ITPK1: variants seen among roughly 807,000 people sequenced by gnomAD.
ITPK1 encodes the protein inositol-tetrakisphosphate 1-kinase, also known as inositol 1,3,4-trisphosphate 5/6-kinase.
In ITPK1, 21 loss-of-function variants were observed where a neutral mutation model predicts 45.3. The observed-to-expected ratio is 0.46, with a 90% CI of 0.33 to 0.67. The LOEUF is 0.67. ITPK1 is among the 30% of genes least tolerant of loss of function. The pLI is 0.02. For missense variants in ITPK1, 474 were observed against 573.5 expected (o/e 0.83, Z 1.77); for synonymous variants, 258 against 253.6 (o/e 1.02, Z -0.16).
intron 3 of ITPK1, among the ~76,000 whole-genome samples, chr14:93,051,591 G>A (rs1002724891): frequency 6.6e-6 from 1 of 151,860 alleles, no homozygotes; most frequent in Non-Finnish European, 1.5e-5. Flanking sequence ...ACTCCAGCCT[G>A]GGTGATGGAT....
rs540481310 is a variant in ITPK1 at position 93,034,525 on chromosome 14, C to T, written c.121-17724G>A. On this transcript the variant is annotated intron_variant, in intron 3 of 10. Transcript: ENST00000267615. This position sits in a 1 kb window ranked among gnomAD's most constrained non-coding sequence, Gnocchi z 4.1. ...GGAGGCGGGCTCCACCACAGCTGGCCCCCACTGGGCTGGGAGATCTGTCTG... is the reference window on the plus strand; with the variant it reads ...GGAGGCGGGCTCCACCACAGCTGGCTCCCACTGGGCTGGGAGATCTGTCTG... Among the ~76,000 whole-genome samples, 1 of 152,170 alleles carries T rather than the reference C, an allele frequency of 6.6e-6. No individual in the cohort carries two copies. Among genetic ancestry groups the T allele is most frequent in the Non-Finnish European group, 1.5e-5 (1 of 68,026 alleles).
intron 2 of ITPK1, among the ~76,000 whole-genome samples, chr14:93,097,436 G>A (rs1291443161): frequency 6.6e-6 from 1 of 152,156 alleles, no homozygotes; most frequent in Non-Finnish European, 1.5e-5. Flanking sequence ...CCTTCGGTTA[G>A]CCAAAGGTCA....
At chr14:93,089,007 G>A (rs1891764987) in intron 2 of ITPK1, among the ~76,000 whole-genome samples, 1 of 152,226 alleles carries the variant, frequency 6.6e-6, no homozygotes, top group East Asian at 1.9e-4. Context: ...GGAGAAAGGG[G>A]ACCTGTGTGA....
At position 93,104,630 on chromosome 14, in the gene ITPK1, C is replaced by G. The variant is rs762353075; in HGVS notation, c.95+10439G>C. 3.9e-5 allele frequency among the ~76,000 whole-genome samples: 6 copies of G among 152,164 alleles called. No homozygotes were observed. In the East Asian group the frequency reaches 7.7e-4, roughly 20 times the overall value. On this transcript the variant is annotated intron_variant, in intron 2 of 10. Transcript: ENST00000267615. ...GTGCTGCTCACAGCACCTGGCCTCT[C>G]CCTGAGTCTCAGGGCCCTCATCTAG... is the stretch of plus-strand genomic sequence containing the variant.
At chr14:93,112,322 A>G (rs1892785170) in intron 2 of ITPK1, among the ~76,000 whole-genome samples, 1 of 152,154 alleles carries the variant, frequency 6.6e-6, no homozygotes, top group Admixed American at 6.5e-5. Flanking sequence ...GATGATGGCC[A>G]ACATCTCTTC....
At chr14:93,083,570 C>G (rs1297190955) in intron 2 of ITPK1, among the ~76,000 whole-genome samples, 1 of 152,170 alleles carries the variant, frequency 6.6e-6, no homozygotes, top group South Asian at 2.1e-4. Context: ...CCCCAAATAA[C>G]AAGACCCTTT....
At chr14:92,992,309 T>C (rs1276386026) in intron 5 of ITPK1, among the ~76,000 whole-genome samples, 1 of 152,174 alleles carries the variant, frequency 6.6e-6, no homozygotes, top group Non-Finnish European at 1.5e-5. Context: ...TTACCAAACC[T>C]TCACCCATGG....
chr14:93,003,889 CTTAAG>C (rs1370053855), intron 4 of ITPK1, among the ~76,000 whole-genome samples: 14 of 152,374 alleles, frequency 9.2e-5, no homozygotes, highest in African/African-American at 3.4e-4. Flanking sequence ...CTGAAAGTCA[CTTAAG>C]TTATCTGTAT....
intron 2 of ITPK1, among the ~76,000 whole-genome samples, chr14:93,085,339 C>A (rs1891606208): frequency 6.6e-6 from 1 of 152,212 alleles, no homozygotes; most frequent in South Asian, 2.1e-4. Context: ...TCACCAACCA[C>A]CTTACCTGAA....
intron 2 of ITPK1, among the ~76,000 whole-genome samples, chr14:93,102,557 G>A (rs1892364116): frequency 6.6e-6 from 1 of 152,208 alleles, no homozygotes; most frequent in Non-Finnish European, 1.5e-5. Flanking sequence ...AGGATCACCT[G>A]AGGTCCGAGA....
chr14:93,080,817 A>G (rs1197905275), intron 2 of ITPK1, among the ~76,000 whole-genome samples: 1 of 151,870 alleles, frequency 6.6e-6, no homozygotes, highest in Non-Finnish European at 1.5e-5. Context: ...GCTCACTGCA[A>G]CCTCCGCCTC....
At chr14:93,085,911 G>T (rs549170059) in intron 2 of ITPK1, among the ~76,000 whole-genome samples, 3 of 151,902 alleles carry the variant, frequency 2.0e-5, no homozygotes, top group Non-Finnish European at 2.9e-5. Context: ...AGGGGAGTTG[G>T]CTGCTGGGAG....
intron 5 of ITPK1, among the ~76,000 whole-genome samples, chr14:92,989,965 C>T (rs916249839): frequency 2.6e-5 from 4 of 152,186 alleles, no homozygotes; most frequent in Non-Finnish European, 4.4e-5. Flanking sequence ...GCCAAACCCC[C>T]AGCCAGAGGA....
chr14:93,091,340 C>T (rs1188849278), intron 2 of ITPK1, among the ~76,000 whole-genome samples: 1 of 152,214 alleles, frequency 6.6e-6, no homozygotes, highest in East Asian at 1.9e-4. Flanking sequence ...AGACAGCTCC[C>T]ACAGAAGCAC....
intron 3 of ITPK1, chr14:93,066,306 ATGTGTGTGTGTGTATGTGTGTG>A: frequency 2.3e-6 from 1 of 436,084 alleles, no homozygotes; most frequent in Admixed American, 2.4e-5. Flanking sequence ...GTGCGCGTGC[ATGTGTGTGTGTGTATGTGTGTG>A]TGTGTGTGTG....
intron 2 of ITPK1, among the ~76,000 whole-genome samples, chr14:93,108,343 T>A (rs1892606248): frequency 6.6e-6 from 1 of 152,270 alleles, no homozygotes; most frequent in Non-Finnish European, 1.5e-5. Flanking sequence ...GAGTGGGAAC[T>A]GAAACCCTAT....
intron 4 of ITPK1, among the ~76,000 whole-genome samples, chr14:93,002,034 G>A (rs577126996): frequency 4.6e-5 from 7 of 152,278 alleles, no homozygotes; most frequent in Non-Finnish European, 7.4e-5. Context: ...TGTAGATCCC[G>A]TTAGCAGCCT....
intron 3 of ITPK1, among the ~76,000 whole-genome samples, chr14:93,043,453 A>C (rs965209758): frequency 6.6e-6 from 1 of 152,122 alleles, no homozygotes; most frequent in Non-Finnish European, 1.5e-5. Flanking sequence ...GGCTCAACCC[A>C]TCAGGCACTC....
chr14:93,073,853 ACAC>A (rs1439057865), intron 3 of ITPK1, among the ~76,000 whole-genome samples: 1 of 152,208 alleles, frequency 6.6e-6, no homozygotes, highest in Non-Finnish European at 1.5e-5. Flanking sequence ...AGGGTACTTA[ACAC>A]CACATCATCC....
Sources: allele counts gnomAD v4.1 joint callset (sites outside exome capture counted in the v4.1 genomes callset), GRCh38; gene constraint gnomAD v4.1.1; non-coding constraint Gnocchi (gnomAD v3.1); transcripts MANE v1.5; gene names NCBI Gene and HGNC (gene_info 2026-07-23, HGNC 2026-07-21).